The following LIG1 variants were observed in gnomAD, a reference collection of about 807,000 sequenced individuals.
LIG1 encodes ligase I, DNA, ATP-dependent.
A neutral mutation model predicts 115.7 loss-of-function variants in LIG1; 70 were observed. The observed-to-expected ratio is 0.60, with a 90% CI of 0.50 to 0.74. The LOEUF (loss-of-function observed/expected upper bound fraction) is 0.74. Ranked by LOEUF, LIG1 falls within the 30% of genes least tolerant of loss-of-function variation. The pLI is 0.00. For missense variants in LIG1, 1,115 were observed against 1,225.6 expected, an observed-to-expected ratio of 0.91 and a Z score of 1.35; for synonymous variants, 487 against 495.3, an observed-to-expected ratio of 0.98 and a Z score of 0.22.
chr19:48,141,504 C>T (rs1323261300), intron 11 of LIG1, among the ~76,000 whole-genome samples: 1 of 152,148 alleles, frequency 6.6e-6, no homozygotes, highest in Non-Finnish European at 1.5e-5. Context: ...TTCCATTTTA[C>T]GGATAAAGAA....
chr19:48,120,311 A>G, intron 24 of LIG1: 3 of 985,448 alleles, frequency 3.0e-6, no homozygotes, highest in Non-Finnish European at 3.6e-6. Context: ...AAGGGCATAT[A>G]CAACACTGAA....
At chr19:48,120,773 G>C in intron 24 of LIG1, 1 of 362,072 alleles carries the variant, frequency 2.8e-6, no homozygotes, top group East Asian at 1.5e-4. Context: ...ACATTGTGAT[G>C]ATGAGGCCAG....
intron 18 of LIG1, among the ~76,000 whole-genome samples, chr19:48,131,815 T>C (rs2034042417): frequency 6.6e-6 from 1 of 152,238 alleles, no homozygotes; most frequent in African/African-American, 2.4e-5. Flanking sequence ...TATATGTTTG[T>C]TATTATTTCC....
chr19:48,121,066 G>T, intron 24 of LIG1, 104 bp downstream of exon 24: 1 of 1,597,718 alleles, frequency 6.3e-7, no homozygotes, highest in Non-Finnish European at 8.5e-7. Flanking sequence ...TCCTTCACAG[G>T]GGGATGTGAG....
chr19:48,148,488 A>G (rs1266395470), intron 9 of LIG1, among the ~76,000 whole-genome samples: 1 of 151,660 alleles, frequency 6.6e-6, no homozygotes, highest in East Asian at 1.9e-4. Flanking sequence ...AAAAAAAAAA[A>G]AAAGCAGGGA....
chr19:48,161,887 C>A (rs1014085680), intron 3 of LIG1, among the ~76,000 whole-genome samples: 1 of 130,898 alleles, frequency 7.6e-6, no homozygotes, highest in Non-Finnish European at 1.6e-5. Flanking sequence ...GTGCAGTGGG[C>A]CGAGATCACA....
At chr19:48,140,549 A>G (rs1274096789) in intron 11 of LIG1, among the ~76,000 whole-genome samples, 1 of 152,206 alleles carries the variant, frequency 6.6e-6, no homozygotes, top group African/African-American at 2.4e-5. Flanking sequence ...CTGCCTTCGC[A>G]AGACTCACAA....
chr19:48,126,652 A>C (rs1035902212), intron 21 of LIG1, among the ~76,000 whole-genome samples: 1 of 151,840 alleles, frequency 6.6e-6, no homozygotes, highest in African/African-American at 2.4e-5. Flanking sequence ...GAGCTTGTTC[A>C]TGTGGGTTAC....
rs1169609906 is a variant in LIG1 at position 48,137,508 on chromosome 19, C to T, written c.1254+14G>A. On this transcript the variant is annotated intron_variant, in intron 13 of 27. Transcript: ENST00000263274. This position sits in a 1 kb window ranked among gnomAD's most constrained non-coding sequence, Gnocchi z 4.3. ...GATGTCTGGGGTCCGGGATGAGCGG[C>T]CCGCCCCACTCACAGCACTGCCAGT... The T allele has an allele frequency of 6.2e-7, 1 of 1,610,632 alleles. No individual in the cohort carries two copies. Among genetic ancestry groups the T allele is most frequent in the Admixed American group, 1.7e-5 (1 of 60,010 alleles).
intron 4 of LIG1, among the ~76,000 whole-genome samples, chr19:48,160,450 T>C (rs1035825577): frequency 3.9e-5 from 6 of 152,064 alleles, no homozygotes; most frequent in African/African-American, 1.4e-4. Flanking sequence ...GCTGCAGATG[T>C]GATGGGCGGG....
In LIG1 at chr19:48,143,884, T is replaced by C; in HGVS notation, c.856A>G (p.Lys286Glu). The change falls in exon 10 of 28, where the codon AAG (lysine) becomes GAG (glutamate). Residue 286 changes from lysine (K) to glutamate (E), a missense_variant and splice_region_variant. Lys to Glu is a moderately conservative substitution (Grantham distance 56). Transcript: ENST00000263274. ...AGTCTGAAAAGGGAGAAACCTCACT[T>C]CTGGCCCGGTTTCCAGCAGGCATCT... is the stretch of plus-strand genomic sequence containing the variant. ...VEDACWKPGQ[K>E]VPYLAVARTF... 6.2e-7 allele frequency: 1 copy of C among 1,612,550 alleles called. No homozygotes were observed. Among genetic ancestry groups the C allele is most frequent in the Non-Finnish European group, 8.5e-7 (1 of 1,178,668 alleles).
At chr19:48,153,714 T>C (rs570197063) in intron 6 of LIG1, among the ~76,000 whole-genome samples, 158 bp downstream of exon 6, 3 of 73,376 alleles carry the variant, frequency 4.1e-5, no homozygotes, top group South Asian at 5.2e-4. Context: ...GGGCTCACCT[T>C]CCTCCTCCTC....
chr19:48,144,005 G>A, intron 9 of LIG1, 42 bp from the exon 10 acceptor site: 1 of 1,467,218 alleles, frequency 6.8e-7, no homozygotes, highest in Non-Finnish European at 9.6e-7. Flanking sequence ...AGAGCCCTGG[G>A]TCAAAGCAAA....
At chr19:48,156,725 G>C (rs948444763) in intron 5 of LIG1, among the ~76,000 whole-genome samples, 1 of 151,952 alleles carries the variant, frequency 6.6e-6, no homozygotes, top group Non-Finnish European at 1.5e-5. Context: ...GGCGGATCAC[G>C]AGGTCAGGAG....
chr19:48,141,651 C>T (rs775701474), intron 11 of LIG1, among the ~76,000 whole-genome samples: 28 of 152,170 alleles, frequency 1.8e-4, no homozygotes, highest in Non-Finnish European at 3.1e-4. Context: ...AAACGAAAAC[C>T]GTGTTTCTGT....
intron 25 of LIG1, among the ~76,000 whole-genome samples, 164 bp downstream of exon 25, chr19:48,118,973 A>G (rs1230089968): frequency 6.6e-6 from 1 of 152,102 alleles, no homozygotes; most frequent in African/African-American, 2.4e-5. Context: ...TGAGACATGA[A>G]CCTGGAGATG....
At chr19:48,136,940 A>C in intron 14 of LIG1, 68 bp downstream of exon 14, 1 of 1,253,728 alleles carries the variant, frequency 8.0e-7, no homozygotes, top group Admixed American at 1.9e-5. Context: ...TCCAGCTGCC[A>C]GTCCCTCCCT....
rs771419079 is a variant in LIG1, at chr19:48,115,913, C to T, written c.2636G>A (p.Arg879His). 12 of 1,613,882 alleles carry T rather than the reference C, an allele frequency of 7.4e-6. No individual in the cohort carries two copies. The highest frequency in any genetic ancestry group is 3.3e-5 in the Admixed American group (2 of 60,000). Residue 879 changes from arginine to histidine, a missense_variant, in exon 27 of 28, where the codon CGT (arginine) becomes CAT (histidine). Coordinates refer to ENST00000263274, the MANE Select transcript of LIG1 (RefSeq NM_000234.3). Reference protein sequence around the residue: ...SLRFPRFIRVREDKQPEQATT... With the variant: ...SLRFPRFIRVHEDKQPEQATT... ...GGCCTGCTCCGGCTGCTTGTCTTCACGGACTCGAATAAACCGAGGGAAGCG... is the reference window on the plus strand; with the variant it reads ...GGCCTGCTCCGGCTGCTTGTCTTCATGGACTCGAATAAACCGAGGGAAGCG...
In LIG1 at chr19:48,154,174, C is replaced by A. The variant is rs2035687912; in HGVS notation, c.371-207G>T. 3 of 599,626 alleles carry A rather than the reference C, an allele frequency of 5.0e-6. No homozygotes were observed. The South Asian group carries it at 5.3e-5, about 11-fold the overall frequency. 37.1% of individuals were successfully genotyped at this position (599,626 alleles called of 1,614,324 possible). ...TGACCTTGGGCAGGTTACTTAATTT[C>A]TCTGTGCTTTGCTCTCTCACGACTG... is the stretch of plus-strand genomic sequence containing the variant. On this transcript the variant is annotated intron_variant, in intron 5 of 27. Transcript: ENST00000263274.
Sources: gnomAD v4.1 joint callset for allele counts (sites outside exome capture counted in the v4.1 genomes callset) on GRCh38, gnomAD v4.1.1 for gene constraint, Gnocchi (gnomAD v3.1) non-coding constraint, MANE v1.5 for transcripts, NCBI Gene and HGNC (gene_info 2026-07-23, HGNC 2026-07-21) for gene names.